The following SESTD1 variants were observed in gnomAD, a reference collection of about 807,000 sequenced individuals.
SESTD1 encodes the protein SEC14 domain and spectrin repeat-containing protein 1.
Under a neutral mutation model 101.7 loss-of-function variants are expected in SESTD1, and 43 were observed. The ratio of observed to expected loss-of-function variants is 0.42; its 90% CI spans 0.33 to 0.55. The LOEUF (loss-of-function observed/expected upper bound fraction) is 0.55. Ranked by LOEUF, SESTD1 falls within the 20% of genes least tolerant of loss-of-function variation. The pLI, the probability that SESTD1 is intolerant of heterozygous loss-of-function variation, is 0.07. For synonymous variants in SESTD1, 283 were observed against 286.8 expected, an observed-to-expected ratio of 0.99 and a Z score of 0.13; for missense variants, 647 against 815.1, an observed-to-expected ratio of 0.79 and a Z score of 2.51.
rs2044733350 is a variant in SESTD1, at chr2:179,120,837, G to T, written c.1442+933C>A. Among the ~76,000 whole-genome samples the T allele has an allele frequency of 2.0e-5, 3 of 152,124 alleles. No individual in the cohort carries two copies. The South Asian group carries it at 6.2e-4, about 32-fold the overall frequency. ...GTGAGGAAGAGTTCTAATGCTAAAA[G>T]ACAAAGAGTTGAAGAGGAAGACGTA... On this transcript the variant is annotated intron_variant, in intron 13 of 17. Transcript: ENST00000428443.
rs577522703 is a variant in SESTD1 at position 179,156,631 on chromosome 2, A to C, written c.370-5240T>G. On this transcript the variant is annotated intron_variant, in intron 5 of 17. Coordinates refer to ENST00000428443, the MANE Select transcript of SESTD1 (RefSeq NM_178123.5). ...GGCCATTTGTATATCTTCTTTTGAG[A>C]ATTGTCTATTCATGTCCTTAGCCTA... 2.0e-5 allele frequency among the ~76,000 whole-genome samples: 3 copies of C among 152,204 alleles called. No individual in the cohort carries two copies. The South Asian group carries it at 6.2e-4, about 32-fold the overall frequency.
At chr2:179,196,847 A>G (rs2046405528) in intron 1 of SESTD1, among the ~76,000 whole-genome samples, 1 of 152,224 alleles carries the variant, frequency 6.6e-6, no homozygotes, top group Non-Finnish European at 1.5e-5. Context: ...ATAAAACCAC[A>G]AAGATGGGGA....
intron 9 of SESTD1, among the ~76,000 whole-genome samples, chr2:179,137,735 A>T (rs553657815): frequency 1.6e-4 from 25 of 152,354 alleles, no homozygotes; most frequent in African/African-American, 4.8e-4. Context: ...TATTACTTAT[A>T]TAATTTATCC....
At chr2:179,167,154 C>T (rs79839178) in intron 5 of SESTD1, among the ~76,000 whole-genome samples, 8,460 of 152,220 alleles carry the variant, frequency 0.056, 301 homozygotes, top group South Asian at 0.09. Context: ...TGAAAAATAA[C>T]ATGCAAGGAC....
chr2:179,111,083 G>A (rs1198818275), intron 17 of SESTD1, among the ~76,000 whole-genome samples: 1 of 152,178 alleles, frequency 6.6e-6, no homozygotes, highest in Non-Finnish European at 1.5e-5. Context: ...ACAACTGGCT[G>A]TGAAATGTAG....
At chr2:179,264,100 A>C (rs941688729) in intron 1 of SESTD1, 1 of 152,262 alleles carries the variant, frequency 6.6e-6, no homozygotes, top group Non-Finnish European at 1.5e-5. Context: ...GCTGGAAAAT[A>C]AGGACTAACG....
Position 179,214,121 on chromosome 2 carries a change from C to T in SESTD1, c.-25-22255G>A, listed in dbSNP as rs1184539199. 6.7e-5 allele frequency among the ~76,000 whole-genome samples: 9 copies of T among 134,624 alleles called. 2 individuals are homozygous for T. Among genetic ancestry groups the T allele is most frequent in the African/African-American group, 2.7e-4 (9 of 33,948 alleles). The allele number at this position is 134,624 out of a possible 152,430, so 88.3% of individuals were successfully genotyped here. A position where few individuals can be genotyped will look rare whatever the true frequency, so the allele number is the denominator to read the frequency against. On this transcript the variant is annotated intron_variant, in intron 1 of 17. Coordinates refer to ENST00000428443, the MANE Select transcript of SESTD1 (RefSeq NM_178123.5). ...CATCATAATGACAGGATCAAATTCA[C>T]ACATAACAATATTAACCTTAAATGT... is the stretch of plus-strand genomic sequence containing the variant.
Position 179,102,916 on chromosome 2 carries a change from T to C in SESTD1, c.*6983A>G, listed in dbSNP as rs190570572. The C allele has an allele frequency of 2.6e-5, 4 of 152,264 alleles. No homozygotes were observed. Among genetic ancestry groups the C allele is most frequent in the Admixed American group, 1.3e-4 (2 of 15,288 alleles). 9.4% of individuals were successfully genotyped at this position (152,264 alleles called of 1,614,324 possible). On this transcript the variant is annotated 3_prime_UTR_variant, in exon 18 of 18. Coordinates refer to ENST00000428443, the MANE Select transcript of SESTD1 (RefSeq NM_178123.5). ...CGTTTTCTGCTCTTCTGGCCACCAT[T>C]TGGGGGACTTCCCTGTCCAGGTGAC...
intron 2 of SESTD1, among the ~76,000 whole-genome samples, chr2:179,185,751 T>G (rs2046215062): frequency 7.8e-6 from 1 of 127,412 alleles, no homozygotes; most frequent in African/African-American, 3.1e-5. Context: ...TATAGTATAT[T>G]ATATACAATA....
At chr2:179,139,636 G>A (rs960847715) in intron 9 of SESTD1, among the ~76,000 whole-genome samples, 1 of 151,966 alleles carries the variant, frequency 6.6e-6, no homozygotes, top group African/African-American at 2.4e-5. Context: ...ATTCCTTCAG[G>A]TCCTGCATAC....
chr2:179,242,545 C>T (rs1037164992), intron 1 of SESTD1, among the ~76,000 whole-genome samples: 1 of 152,166 alleles, frequency 6.6e-6, no homozygotes, highest in Non-Finnish European at 1.5e-5. Context: ...AGAGGTATTA[C>T]ATTACTCAAC....
intron 15 of SESTD1, among the ~76,000 whole-genome samples, chr2:179,115,559 C>A (rs983904198): frequency 2.0e-5 from 3 of 151,690 alleles, no homozygotes; most frequent in African/African-American, 7.3e-5. Context: ...ACCAGCCTGG[C>A]CAACATAGCA....
intron 1 of SESTD1, among the ~76,000 whole-genome samples, chr2:179,243,953 T>C (rs1013446255): frequency 1.4e-5 from 2 of 147,668 alleles, no homozygotes; most frequent in South Asian, 2.2e-4. Flanking sequence ...TGTATATATA[T>C]ATATATATAC....
intron 1 of SESTD1, among the ~76,000 whole-genome samples, chr2:179,202,201 T>C (rs1450321782): frequency 7.5e-6 from 1 of 133,590 alleles, no homozygotes; most frequent in African/African-American, 3.0e-5. Context: ...ACTTTTCATT[T>C]TGTAACGTTT....
chr2:179,132,548 T>A, intron 9 of SESTD1, 122 bp from the exon 10 acceptor site: 2 of 1,079,420 alleles, frequency 1.9e-6, no homozygotes, highest in Non-Finnish European at 2.6e-6. Flanking sequence ...ATTTACATTC[T>A]ATCACATAGG....
chr2:179,219,566 AAAGT>A (rs2046784750), intron 1 of SESTD1, among the ~76,000 whole-genome samples: 2 of 152,250 alleles, frequency 1.3e-5, no homozygotes, highest in South Asian at 4.1e-4. Context: ...CTGTTGTTAC[AAAGT>A]AAGAGCAATT....
intron 1 of SESTD1, among the ~76,000 whole-genome samples, chr2:179,238,484 T>C (rs2047101225): frequency 1.3e-5 from 2 of 152,164 alleles, no homozygotes; most frequent in South Asian, 4.1e-4. Context: ...AAAAACAAAA[T>C]TTGACAAATA....
chr2:179,255,722 C>A (rs2047384552), intron 1 of SESTD1, among the ~76,000 whole-genome samples: 1 of 152,192 alleles, frequency 6.6e-6, no homozygotes. Flanking sequence ...CATTAAACAA[C>A]AGATTTTCAA....
chr2:179,142,420 G>A (rs994707298), intron 9 of SESTD1, among the ~76,000 whole-genome samples: 1 of 152,174 alleles, frequency 6.6e-6, no homozygotes, highest in Non-Finnish European at 1.5e-5. Flanking sequence ...AGAAGGCAGA[G>A]AGGGAAAGAA....
Sources: allele counts gnomAD v4.1 joint callset (sites outside exome capture counted in the v4.1 genomes callset), GRCh38; gene constraint gnomAD v4.1.1; transcripts MANE v1.5; gene names NCBI Gene and HGNC (gene_info 2026-07-23, HGNC 2026-07-21).